Variants in ADAM12 observed in about 807,000 individuals in gnomAD.
ADAM12 encodes the protein disintegrin and metalloproteinase domain-containing protein 12.
A neutral mutation model predicts 106.4 loss-of-function variants in ADAM12; 70 were observed. The observed-to-expected ratio is 0.66, with a 90% confidence interval of 0.54 to 0.80. ADAM12 has a LOEUF of 0.80. Ranked by LOEUF, ADAM12 falls within the 30% of genes least tolerant of loss-of-function variation. ADAM12 has a pLI of 0.00. For synonymous variants in ADAM12, 420 were observed against 433.5 expected (o/e 0.97, Z 0.39); for missense variants, 1,010 against 1,171.9 (o/e 0.86, Z 2.02).
At chr10:126,138,913 A>G (rs1235031533) in intron 4 of ADAM12, among the ~76,000 whole-genome samples, 1 of 152,096 alleles carries the variant, frequency 6.6e-6, no homozygotes, top group African/African-American at 2.4e-5. Context: ...TACAAGTCCA[A>G]CTTCATTCTT....
intron 21 of ADAM12, among the ~76,000 whole-genome samples, chr10:126,026,619 A>T (rs192562868): frequency 3.7e-4 from 56 of 152,328 alleles, no homozygotes; most frequent in Non-Finnish European, 6.9e-4. Flanking sequence ...TAAGAAATTC[A>T]CTCAAAACCA....
chr10:126,202,322 TCTGA>T (rs1957717329), intron 3 of ADAM12, among the ~76,000 whole-genome samples: 2 of 152,404 alleles, frequency 1.3e-5, no homozygotes, highest in Non-Finnish European at 2.9e-5. Flanking sequence ...TTTCAGCCTT[TCTGA>T]CTATTACCAC....
At chr10:126,342,678 A>G (rs1854970956) in intron 1 of ADAM12, among the ~76,000 whole-genome samples, 1 of 152,246 alleles carries the variant, frequency 6.6e-6, no homozygotes, top group Admixed American at 6.5e-5. Flanking sequence ...GGTCCAATCC[A>G]GTATCGGCTG....
At chr10:126,065,054 G>A in intron 13 of ADAM12, 53 bp from the exon 14 acceptor site, 1 of 1,534,994 alleles carries the variant, frequency 6.5e-7, no homozygotes, top group Non-Finnish European at 8.8e-7. Context: ...GGGAGAGGCA[G>A]CTCTCAGCAT....
At chr10:126,100,680 A>C (rs1398184574) in intron 9 of ADAM12, among the ~76,000 whole-genome samples, 1 of 152,176 alleles carries the variant, frequency 6.6e-6, no homozygotes, top group Non-Finnish European at 1.5e-5. Flanking sequence ...ATGCCACTGC[A>C]CTCCAGCCTG....
chr10:126,250,192 A>T (rs577602989), intron 3 of ADAM12, among the ~76,000 whole-genome samples: 24 of 152,314 alleles, frequency 1.6e-4, no homozygotes, highest in African/African-American at 5.8e-4. Flanking sequence ...ATCCCAGAGT[A>T]TATAAACAGG....
At chr10:126,306,791 T>C (rs1043417781) in intron 2 of ADAM12, among the ~76,000 whole-genome samples, 1 of 152,212 alleles carries the variant, frequency 6.6e-6, no homozygotes, top group African/African-American at 2.4e-5. Flanking sequence ...TAATAGATTT[T>C]CTCTTGGACT....
chr10:126,111,853 G>C (rs1461536332), intron 6 of ADAM12, among the ~76,000 whole-genome samples: 2 of 152,254 alleles, frequency 1.3e-5, no homozygotes, highest in East Asian at 3.9e-4. Flanking sequence ...TGCACACACA[G>C]AGAGAGGTTT....
chr10:126,337,639 A>G (rs1422045212), intron 1 of ADAM12, among the ~76,000 whole-genome samples: 1 of 152,166 alleles, frequency 6.6e-6, no homozygotes, highest in Non-Finnish European at 1.5e-5. Flanking sequence ...TCCTCTGGCA[A>G]CACCCTCCCA....
At chr10:126,255,422 G>A (rs1340714661) in intron 3 of ADAM12, among the ~76,000 whole-genome samples, 1 of 151,978 alleles carries the variant, frequency 6.6e-6, no homozygotes, top group Non-Finnish European at 1.5e-5. Flanking sequence ...CCTCCCCACG[G>A]CTCCACCTCA....
At chr10:126,050,126 G>A (rs1381628027) in intron 14 of ADAM12, among the ~76,000 whole-genome samples, 2 of 152,204 alleles carry the variant, frequency 1.3e-5, no homozygotes, top group African/African-American at 4.8e-5. Flanking sequence ...GAGCAATGAA[G>A]ATATCTTCTA....
intron 3 of ADAM12, among the ~76,000 whole-genome samples, chr10:126,178,339 A>T (rs2133777686): frequency 6.6e-6 from 1 of 152,188 alleles, no homozygotes; most frequent in East Asian, 1.9e-4. Flanking sequence ...AAATTAATAA[A>T]ACAGGTAGGA....
chr10:126,193,666 G>A (rs1443511128), intron 3 of ADAM12, among the ~76,000 whole-genome samples: 1 of 152,190 alleles, frequency 6.6e-6, no homozygotes, highest in Non-Finnish European at 1.5e-5. Context: ...GGAAGCTGAA[G>A]CGAGTGGATC....
chr10:126,245,875 T>C (rs1177625985), intron 3 of ADAM12, among the ~76,000 whole-genome samples: 1 of 151,754 alleles, frequency 6.6e-6, no homozygotes, highest in Non-Finnish European at 1.5e-5. Flanking sequence ...GAGAGAGGAA[T>C]GGATGAAGAA....
At chr10:126,384,226 A>G (rs1302392464) in intron 1 of ADAM12, among the ~76,000 whole-genome samples, 1 of 152,132 alleles carries the variant, frequency 6.6e-6, no homozygotes, top group East Asian at 1.9e-4. Flanking sequence ...CCACCAAAAT[A>G]CTTACTTTGC....
At chr10:126,187,114 AT>A (rs1382270542) in intron 3 of ADAM12, among the ~76,000 whole-genome samples, 1 of 152,152 alleles carries the variant, frequency 6.6e-6, no homozygotes, top group Admixed American at 6.5e-5. Flanking sequence ...TTCTTCTTTC[AT>A]TCCAACGTTT....
At chr10:126,135,850 T>A (rs566922777) in intron 4 of ADAM12, among the ~76,000 whole-genome samples, 190 bp from the exon 5 acceptor site, 2 of 152,338 alleles carry the variant, frequency 1.3e-5, no homozygotes, top group East Asian at 3.9e-4. Context: ...CTGATTTACT[T>A]ACAGATTACC....
At chr10:126,065,409 T>C (rs1020458935) in intron 13 of ADAM12, among the ~76,000 whole-genome samples, 2 of 152,238 alleles carry the variant, frequency 1.3e-5, no homozygotes, top group African/African-American at 4.8e-5. Flanking sequence ...ATTTATGGTG[T>C]TGGCATGTGT....
At chr10:126,262,259 C>T (rs1272559652) in intron 3 of ADAM12, among the ~76,000 whole-genome samples, 2 of 151,944 alleles carry the variant, frequency 1.3e-5, no homozygotes, top group Non-Finnish European at 2.9e-5. Context: ...TCTGAGAAAT[C>T]CTACTTTTTA....
Sources: gnomAD v4.1 joint callset for allele counts (sites outside exome capture counted in the v4.1 genomes callset) on GRCh38, gnomAD v4.1.1 for gene constraint, MANE v1.5 for transcripts, NCBI Gene and HGNC (gene_info 2026-07-23, HGNC 2026-07-21) for gene names.